Variants in GRM3 observed in about 807,000 individuals in gnomAD.
GRM3 encodes glutamate metabotropic receptor 3.
In GRM3, 26 loss-of-function variants were observed where a neutral mutation model predicts 70.5. The observed-to-expected ratio is 0.37, with a 90% CI of 0.27 to 0.51. The LOEUF is 0.51. Ranked by LOEUF, GRM3 falls within the 20% of genes least tolerant of loss-of-function variation. GRM3 has a pLI of 0.93. For synonymous variants in GRM3, 443 were observed against 434.9 expected (o/e 1.02, Z -0.23); for missense variants, 859 against 1,123.8 (o/e 0.76, Z 3.37).
chr7:86,659,462 G>A (rs1397441339), intron 1 of GRM3, among the ~76,000 whole-genome samples: 1 of 152,108 alleles, frequency 6.6e-6, no homozygotes, highest in African/African-American at 2.4e-5. Flanking sequence ...ATAGTAAGAG[G>A]ATAGCTAGGA....
chr7:86,760,133 T>C (rs892809109), intron 1 of GRM3, among the ~76,000 whole-genome samples: 1 of 152,132 alleles, frequency 6.6e-6, no homozygotes, highest in Non-Finnish European at 1.5e-5. Context: ...AGAGTATGTA[T>C]GGTTTCTGGC....
At chr7:86,774,235 T>C (rs1796824475) in intron 2 of GRM3, among the ~76,000 whole-genome samples, 1 of 152,106 alleles carries the variant, frequency 6.6e-6, no homozygotes, top group Non-Finnish European at 1.5e-5. Context: ...CAGTTTATAA[T>C]AATGAAGGTC....
intron 1 of GRM3, among the ~76,000 whole-genome samples, chr7:86,674,151 C>T (rs1327027189): frequency 6.6e-5 from 10 of 152,128 alleles, no homozygotes; most frequent in Non-Finnish European, 1.0e-4. Flanking sequence ...GTGGTACTGG[C>T]TCAGGTCTCT....
intron 1 of GRM3, among the ~76,000 whole-genome samples, chr7:86,656,317 G>A (rs1303073175): frequency 7.2e-6 from 1 of 139,522 alleles, no homozygotes; most frequent in East Asian, 2.2e-4. Flanking sequence ...CCAGGCTGGA[G>A]TGCAGTGGCA....
intron 1 of GRM3, among the ~76,000 whole-genome samples, chr7:86,670,727 C>G (rs906706466): frequency 1.3e-5 from 2 of 152,156 alleles, no homozygotes; most frequent in African/African-American, 2.4e-5. Flanking sequence ...TGTTTTTCCC[C>G]TGCTTAAAAC....
intron 2 of GRM3, among the ~76,000 whole-genome samples, chr7:86,766,240 G>C (rs6947784): frequency 0.33 from 50,069 of 151,744 alleles, 8,949 homozygotes; most frequent in African/African-American, 0.47. Flanking sequence ...ATCAAACACA[G>C]GAAGGCATAA....
intron 3 of GRM3, among the ~76,000 whole-genome samples, chr7:86,832,245 CTTTTTTTTTT>C (rs371453726): frequency 3.6e-5 from 4 of 112,348 alleles, no homozygotes; most frequent in Non-Finnish European, 7.1e-5. Flanking sequence ...TGCTTGTAGC[CTTTTTTTTTT>C]TTTTTTTTTT....
At chr7:86,758,190 A>G (rs1400589834) in intron 1 of GRM3, among the ~76,000 whole-genome samples, 1 of 152,184 alleles carries the variant, frequency 6.6e-6, no homozygotes, top group Non-Finnish European at 1.5e-5. Flanking sequence ...TTATATAAAA[A>G]GGGACTGTAT....
intron 1 of GRM3, among the ~76,000 whole-genome samples, chr7:86,686,206 C>A (rs367743212): frequency 1.3e-5 from 2 of 152,066 alleles, no homozygotes; most frequent in East Asian, 1.9e-4. Flanking sequence ...AAGACATATG[C>A]TTTCAGTGGG....
intron 3 of GRM3, among the ~76,000 whole-genome samples, chr7:86,801,669 G>A (rs1461330232): frequency 6.6e-6 from 1 of 152,180 alleles, no homozygotes; most frequent in Non-Finnish European, 1.5e-5. Flanking sequence ...CAATAAGAGA[G>A]TAACTTTTAC....
At chr7:86,798,293 A>G (rs1797602230) in intron 3 of GRM3, among the ~76,000 whole-genome samples, 2 of 152,148 alleles carry the variant, frequency 1.3e-5, no homozygotes, top group Admixed American at 1.3e-4. Context: ...AACCCAGCCC[A>G]TGAAAGCAGC....
At chr7:86,833,366 T>C (rs1177667186) in intron 3 of GRM3, among the ~76,000 whole-genome samples, 1 of 151,964 alleles carries the variant, frequency 6.6e-6, no homozygotes, top group Non-Finnish European at 1.5e-5. Flanking sequence ...CTGCACATTG[T>C]GCACATGTAC....
chr7:86,864,212 A>AAT, intron 5 of GRM3, 70 bp from the exon 6 acceptor site: 1 of 806,688 alleles, frequency 1.2e-6, no homozygotes, highest in East Asian at 2.4e-5. Flanking sequence ...AGTCCATTGT[A>AAT]TCCTTCATGC....
At chr7:86,811,040 A>G (rs1797898825) in intron 3 of GRM3, among the ~76,000 whole-genome samples, 1 of 151,918 alleles carries the variant, frequency 6.6e-6, no homozygotes, top group Non-Finnish European at 1.5e-5. Flanking sequence ...TTTGAAGCTC[A>G]TAATAAAATT....
At chr7:86,779,637 C>G (rs540286398) in intron 2 of GRM3, among the ~76,000 whole-genome samples, 8 of 152,220 alleles carry the variant, frequency 5.3e-5, no homozygotes, top group African/African-American at 1.9e-4. Context: ...TCATTAGTAC[C>G]ATGAGAGAAA....
chr7:86,792,183 C>T (rs1797435974), intron 3 of GRM3, among the ~76,000 whole-genome samples: 1 of 152,118 alleles, frequency 6.6e-6, no homozygotes, highest in South Asian at 2.1e-4. Flanking sequence ...GAGACCAGTT[C>T]CAGAAAGTCG....
In GRM3 at chr7:86,647,337, G is replaced by A. The variant is rs931195687; in HGVS notation, c.-141+2465G>A. 2.0e-5 allele frequency among the ~76,000 whole-genome samples: 3 copies of A among 152,140 alleles called. 1 individual carries two copies. Among genetic ancestry groups the A allele is most frequent in the Non-Finnish European group, 4.4e-5 (3 of 68,014 alleles). ...AGCATGAGGTTTTTCCAGGATACTA[G>A]CTACCTCCTGCCAAAATGTAGCACA... On this transcript the variant is annotated intron_variant, in intron 1 of 5. Coordinates refer to ENST00000361669, the MANE Select transcript of GRM3 (RefSeq NM_000840.3).
At chr7:86,683,934 C>T (rs1260131561) in intron 1 of GRM3, among the ~76,000 whole-genome samples, 11 of 152,010 alleles carry the variant, frequency 7.2e-5, no homozygotes, top group South Asian at 2.1e-4. Context: ...TTTCCCAGGA[C>T]GGTTTTTTAA....
intron 3 of GRM3, among the ~76,000 whole-genome samples, chr7:86,825,302 G>T (rs1050948531): frequency 6.6e-6 from 1 of 152,204 alleles, no homozygotes; most frequent in Admixed American, 6.5e-5. Flanking sequence ...ATTTTATTTT[G>T]TCACCTCAAT....
Sources: gnomAD v4.1 joint callset for allele counts (sites outside exome capture counted in the v4.1 genomes callset) on GRCh38, gnomAD v4.1.1 for gene constraint, MANE v1.5 for transcripts, NCBI Gene and HGNC (gene_info 2026-07-23, HGNC 2026-07-21) for gene names.